The following PERP variants were observed in gnomAD, a reference collection of about 807,000 sequenced individuals.
PERP encodes p53 apoptosis effector related to PMP22.
In PERP, 11 loss-of-function variants were observed where a neutral mutation model predicts 20.3. The ratio of observed to expected loss-of-function variants is 0.54; its 90% CI spans 0.34 to 0.90. The LOEUF is 0.90. Among genes scored for constraint, PERP ranks in the 40% least tolerant of loss-of-function variants. The pLI, the probability that PERP is intolerant of heterozygous loss-of-function variation, is 0.02. For missense variants in PERP, 224 were observed against 249.4 expected (o/e 0.90, Z 0.69); for synonymous variants, 101 against 102.0 (o/e 0.99, Z 0.06).
At chr6:138,092,831 G>A (rs193197119) in intron 2 of PERP, among the ~76,000 whole-genome samples, 35 of 152,222 alleles carry the variant, frequency 2.3e-4, no homozygotes, top group African/African-American at 7.9e-4. Flanking sequence ...GGGAGAATCC[G>A]CAGAGAAGCC....
chr6:138,094,408 C>T lies in PERP; in HGVS notation c.355+1946G>A, dbSNP rs115101544. Reference sequence around the variant, plus strand: ...AATATATTTGTCCTTCTGTGCCTGGCTTATTTCACTTAGCATAATGTTTTC... The same window carrying T: ...AATATATTTGTCCTTCTGTGCCTGGTTTATTTCACTTAGCATAATGTTTTC... On this transcript the variant is annotated intron_variant, in intron 2 of 2. Transcript: ENST00000421351. Among the ~76,000 whole-genome samples the T allele has an allele frequency of 4.9e-3, 753 of 152,138 alleles. 12 individuals are homozygous for T. Among genetic ancestry groups the T allele is most frequent in the African/African-American group, 0.017 (708 of 41,482 alleles).
chr6:138,098,072 C>T (rs1330966007), intron 1 of PERP, among the ~76,000 whole-genome samples: 2 of 152,144 alleles, frequency 1.3e-5, no homozygotes, highest in African/African-American at 4.8e-5. Flanking sequence ...TAGCATCAAT[C>T]AATACTTCAT....
chr6:138,104,171 C>T (rs1364481164), intron 1 of PERP, among the ~76,000 whole-genome samples: 3 of 152,172 alleles, frequency 2.0e-5, no homozygotes, highest in South Asian at 2.1e-4. Flanking sequence ...ATGGTGCCAG[C>T]GGTGCAAAAC....
At chr6:138,103,598 T>G (rs894011528) in intron 1 of PERP, among the ~76,000 whole-genome samples, 1 of 152,184 alleles carries the variant, frequency 6.6e-6, no homozygotes, top group Non-Finnish European at 1.5e-5. Context: ...TCCTTGGTTT[T>G]GGGATGATTC....
chr6:138,106,950 A>C (rs1322436021), intron 1 of PERP, among the ~76,000 whole-genome samples, 177 bp downstream of exon 1: 2 of 136,568 alleles, frequency 1.5e-5, no homozygotes, highest in Non-Finnish European at 3.0e-5. Flanking sequence ...ACCCAAAGCT[A>C]CTGCTGCTGC....
rs914059575 is a variant in PERP, at chr6:138,088,699, C to G, written c.*3343G>C. The stretch of plus-strand genomic sequence containing the variant: ...ACACCTAGAAAATACACCCAGATAC[C>G]AGAATTGCAAAATTCAGGAAGAATG... On this transcript the variant is annotated 3_prime_UTR_variant, in exon 3 of 3. Coordinates refer to ENST00000421351, the MANE Select transcript of PERP (RefSeq NM_022121.5). 3.3e-5 allele frequency: 5 copies of G among 152,056 alleles called. No homozygotes were observed. Among genetic ancestry groups the G allele is most frequent in the Non-Finnish European group, 7.4e-5 (5 of 68,026 alleles). The allele number at this position is 152,056 out of a possible 1,614,324, so 9.4% of individuals were successfully genotyped here. A position where few individuals can be genotyped will look rare whatever the true frequency, so the allele number is the denominator to read the frequency against.
At chr6:138,106,162 CTA>C (rs1775837859) in intron 1 of PERP, among the ~76,000 whole-genome samples, 1 of 152,126 alleles carries the variant, frequency 6.6e-6, no homozygotes, top group Non-Finnish European at 1.5e-5. Context: ...GTGTTTAAAA[CTA>C]TTAAACCCGG....
At chr6:138,092,502 AAC>A (rs1775605383) in intron 2 of PERP, among the ~76,000 whole-genome samples, 1 of 152,184 alleles carries the variant, frequency 6.6e-6, no homozygotes, top group African/African-American at 2.4e-5. Flanking sequence ...ATATGTGAAA[AAC>A]ACACAAAAAA....
At chr6:138,102,824 G>T (rs1476533502) in intron 1 of PERP, among the ~76,000 whole-genome samples, 6 of 152,058 alleles carry the variant, frequency 3.9e-5, no homozygotes, top group Non-Finnish European at 7.4e-5. Context: ...CTGCGGCCAG[G>T]CGCGGTGGCT....
At position 138,090,319 on chromosome 6, in the gene PERP, T is replaced by G. The variant is rs998928376; in HGVS notation, c.*1723A>C. 6.6e-6 allele frequency: 1 copy of G among 151,962 alleles called. No homozygotes were observed. Among genetic ancestry groups the G allele is most frequent in the Non-Finnish European group, 1.5e-5 (1 of 68,018 alleles). 9.4% of individuals were successfully genotyped at this position (151,962 alleles called of 1,614,324 possible). On this transcript the variant is annotated 3_prime_UTR_variant, in exon 3 of 3. Coordinates refer to ENST00000421351, the MANE Select transcript of PERP (RefSeq NM_022121.5). ...ATCCTCACAATGACATACACCATAGTGGAAGTAACATATGACTTATGGTGG... is the reference window on the plus strand; with the variant it reads ...ATCCTCACAATGACATACACCATAGGGGAAGTAACATATGACTTATGGTGG...
chr6:138,102,194 C>T (rs1435582453), intron 1 of PERP, among the ~76,000 whole-genome samples: 3 of 152,232 alleles, frequency 2.0e-5, no homozygotes, highest in Admixed American at 6.5e-5. Flanking sequence ...TACTCCATTG[C>T]TCTCTGTTAC....
In PERP at chr6:138,100,542, T is replaced by TTGTGTG. The variant is rs58385691; in HGVS notation, c.215-4054_215-4049dup. The stretch of plus-strand genomic sequence containing the variant: ...TTCATTACTATTTTATATACCAGAT[T>TTGTGTG]TGTGTGTGTGTGTGTGTGTGTGTGT... On this transcript the variant is annotated intron_variant, in intron 1 of 2. Coordinates refer to ENST00000421351, the MANE Select transcript of PERP (RefSeq NM_022121.5). 8.3e-3 allele frequency among the ~76,000 whole-genome samples: 1,209 copies of TTGTGTG among 146,268 alleles called. 11 individuals are homozygous for TTGTGTG. Among genetic ancestry groups the TTGTGTG allele is most frequent in the East Asian group, 0.036 (178 of 4,988 alleles).
rs1775736423 is a variant in PERP at position 138,099,029 on chromosome 6, G to A, written c.215-2535C>T. Among the ~76,000 whole-genome samples, 2 of 152,202 alleles carry A rather than the reference G, an allele frequency of 1.3e-5. 1 individual carries two copies. Among genetic ancestry groups the A allele is most frequent in the Non-Finnish European group, 2.9e-5 (2 of 68,030 alleles). ...TCAAGTAAGATAACTTTTAAGAGAAGAGGGACCATGCTTTGGAAAGAACAT... is the reference window on the plus strand; with the variant it reads ...TCAAGTAAGATAACTTTTAAGAGAAAAGGGACCATGCTTTGGAAAGAACAT... On this transcript the variant is annotated intron_variant, in intron 1 of 2. Transcript: ENST00000421351.
At chr6:138,094,100 G>GTT (rs1374509747) in intron 2 of PERP, among the ~76,000 whole-genome samples, 1 of 152,112 alleles carries the variant, frequency 6.6e-6, no homozygotes, top group Non-Finnish European at 1.5e-5. Flanking sequence ...GGATAAAAGA[G>GTT]TTTTACTAGG....
chr6:138,091,940 T>G lies in PERP; in HGVS notation c.*102A>C, dbSNP rs1775590190. On this transcript the variant is annotated 3_prime_UTR_variant, in exon 3 of 3. Transcript: ENST00000421351. ...AGCATTTTTGACTAGTTTAATAATATGAACACTGCCAAAAAATGGGTTCAA... is the reference window on the plus strand; with the variant it reads ...AGCATTTTTGACTAGTTTAATAATAGGAACACTGCCAAAAAATGGGTTCAA... The G allele has an allele frequency of 1.5e-5, 15 of 1,032,328 alleles. No homozygotes were observed. The highest frequency in any genetic ancestry group is 2.6e-5 in the East Asian group (1 of 39,030). The allele number at this position is 1,032,328 out of a possible 1,614,324, so 63.9% of individuals were successfully genotyped here.
rs1775603074 is a variant in PERP, at chr6:138,092,412, T to TA, written c.356-145dup. 10 of 752,262 alleles carry TA rather than the reference T, an allele frequency of 1.3e-5. No individual in the cohort carries two copies. The South Asian group carries it at 1.9e-4, about 14-fold the overall frequency. 46.6% of individuals were successfully genotyped at this position (752,262 alleles called of 1,614,324 possible). On this transcript the variant is annotated intron_variant, in intron 2 of 2. Transcript: ENST00000421351. ...TACCTGGAGGCAGGAGGAATCTGGT[T>TA]AGGCAGAGGCCAAAAAAGATTCTTG... is the stretch of plus-strand genomic sequence containing the variant.
chr6:138,092,233 C>T lies in PERP; in HGVS notation c.391G>A (p.Val131Met), dbSNP rs759496728. 71 of 1,613,720 alleles carry T rather than the reference C, an allele frequency of 4.4e-5. No individual in the cohort carries two copies. Among genetic ancestry groups the T allele is most frequent in the South Asian group, 2.6e-4 (24 of 91,050 alleles). ...AGGGTGAAGGTCTGGGTGTACTTCA[C>T]GGGGTAAATTACCAGGGAGATGATC... The part of the protein sequence containing the change: ...FQIISLVIYP[V>M]KYTQTFTLHA... Residue 131 changes from valine to methionine, a missense_variant, in exon 3 of 3, where the codon GTG becomes ATG. Physicochemically the swap from Val to Met is conservative, Grantham distance 21. Coordinates refer to ENST00000421351, the MANE Select transcript of PERP (RefSeq NM_022121.5).
chr6:138,091,107 A>G lies in PERP; in HGVS notation c.*935T>C, dbSNP rs1176805047. 1 of 152,226 alleles carries G rather than the reference A, an allele frequency of 6.6e-6. No homozygotes were observed. Among genetic ancestry groups the G allele is most frequent in the African/African-American group, 2.4e-5 (1 of 41,468 alleles). 9.4% of individuals were successfully genotyped at this position (152,226 alleles called of 1,614,324 possible). ...AGCCTGTCTATATGATAGAGCCCAG[A>G]TAAACCTGAGATTTAGAAAAGCAAG... is the stretch of plus-strand genomic sequence containing the variant. On this transcript the variant is annotated 3_prime_UTR_variant, in exon 3 of 3. Coordinates refer to ENST00000421351, the MANE Select transcript of PERP (RefSeq NM_022121.5).
At chr6:138,102,743 A>G (rs1775791800) in intron 1 of PERP, among the ~76,000 whole-genome samples, 1 of 152,182 alleles carries the variant, frequency 6.6e-6, no homozygotes, top group Admixed American at 6.5e-5. Flanking sequence ...AAATCAATAG[A>G]GTGGCCAACT....
Sources: gnomAD v4.1 joint callset for allele counts (sites outside exome capture counted in the v4.1 genomes callset) on GRCh38, gnomAD v4.1.1 for gene constraint, MANE v1.5 for transcripts, NCBI Gene and HGNC (gene_info 2026-07-23, HGNC 2026-07-21) for gene names.